ERAP1: variants seen among roughly 807,000 people sequenced by gnomAD.
ERAP1 encodes endoplasmic reticulum aminopeptidase 1, also known as adipocyte-derived leucine aminopeptidase.
A neutral mutation model predicts 103.7 loss-of-function variants in ERAP1; 86 were observed. That is an observed-to-expected ratio of 0.83 (90% confidence interval 0.70 to 0.99). ERAP1 has a LOEUF of 0.99. Ranked by LOEUF, ERAP1 falls within the 50% of genes least tolerant of loss-of-function variation. The pLI is 0.00. For missense variants in ERAP1, 1,009 were observed against 1,128.4 expected (o/e 0.89, Z 1.52); for synonymous variants, 398 against 402.4 (o/e 0.99, Z 0.13).
chr5:96,762,412 G>C (rs144506614), exon 20 of ERAP1: 34 of 1,430,394 alleles, frequency 2.4e-5, no homozygotes, highest in African/African-American at 2.9e-5. Context: ...ATGTTTTTGC[G>C]CAGCCACAAC....
the ERAP1 span, chr5:96,912,757 G>C: frequency 1.2e-6 from 2 of 1,600,906 alleles, no homozygotes; most frequent in Non-Finnish European, 1.7e-6. Flanking sequence ...ACAAAATTCT[G>C]TATGCTTTGT....
chr5:96,861,753 T>C, the ERAP1 span, among the ~76,000 whole-genome samples: 1 of 152,168 alleles, frequency 6.6e-6, no homozygotes, highest in Non-Finnish European at 1.5e-5. Flanking sequence ...AACATCTAAC[T>C]GAAGTACATG....
the ERAP1 span, among the ~76,000 whole-genome samples, chr5:96,888,049 C>T: frequency 9.9e-5 from 15 of 150,936 alleles, no homozygotes; most frequent in East Asian, 3.9e-4. Flanking sequence ...CGCTTGAACC[C>T]GGGAGGCGGA....
chr5:96,896,563 G>A, the ERAP1 span: 1 of 1,571,348 alleles, frequency 6.4e-7, no homozygotes, highest in East Asian at 2.3e-5. Context: ...AATGACTATA[G>A]AATCAGCAGT....
chr5:96,764,472 T>G (rs1769111857), intron 19 of ERAP1, among the ~76,000 whole-genome samples: 1 of 152,218 alleles, frequency 6.6e-6, no homozygotes, highest in Non-Finnish European at 1.5e-5. Context: ...GCAATTTCAC[T>G]TCCATGAGCT....
At chr5:96,818,538 G>A in the ERAP1 span, among the ~76,000 whole-genome samples, 1 of 140,390 alleles carries the variant, frequency 7.1e-6, no homozygotes, top group Non-Finnish European at 1.6e-5. Context: ...AAAGAAGAAA[G>A]AAAAGGAGGC....
the ERAP1 span, among the ~76,000 whole-genome samples, chr5:96,825,810 T>C: frequency 6.6e-6 from 1 of 152,146 alleles, no homozygotes; most frequent in South Asian, 2.1e-4. Context: ...TAAGAAAAAA[T>C]AAATGCTAAC....
chr5:96,762,139 T>C (rs1768183494), exon 20 of ERAP1: 1 of 462,078 alleles, frequency 2.2e-6, no homozygotes. Flanking sequence ...TTTAAAATTA[T>C]ATGTTATTAT....
chr5:96,931,753 C>G, the ERAP1 span, among the ~76,000 whole-genome samples: 1 of 152,128 alleles, frequency 6.6e-6, no homozygotes, highest in East Asian at 1.9e-4. Context: ...AGAGTAAGTT[C>G]CTTCTTCCTC....
At chr5:96,862,666 C>T in the ERAP1 span, among the ~76,000 whole-genome samples, 2 of 152,136 alleles carry the variant, frequency 1.3e-5, no homozygotes, top group Admixed American at 6.5e-5. Context: ...TTTTAAAGAC[C>T]TCTGTTGTTT....
At chr5:96,781,023 T>G (rs1395181661) in intron 17 of ERAP1, 35 bp downstream of exon 17, 1 of 1,613,438 alleles carries the variant, frequency 6.2e-7, no homozygotes, top group African/African-American at 1.3e-5. Flanking sequence ...GTTATGAACT[T>G]ATCCAGTCAC....
downstream of ERAP1, chr5:96,773,493 A>C (rs1014951574): frequency 5.3e-5 from 8 of 152,330 alleles, no homozygotes; most frequent in African/African-American, 1.9e-4. Context: ...CTGAGCAGCA[A>C]CTGTGTCTTT....
At chr5:96,889,560 A>G in the ERAP1 span, 2 of 682,104 alleles carry the variant, frequency 2.9e-6, no homozygotes, top group Non-Finnish European at 5.2e-6. Context: ...ACTCTTTCCC[A>G]GGCTGATCAG....
downstream of ERAP1, chr5:96,771,498 G>T (rs27689): frequency 0.9 from 511,216 of 565,546 alleles, 232,426 homozygotes; most frequent in Admixed American, 0.94. Flanking sequence ...TCACAATATT[G>T]TGGCCAGATG....
At chr5:96,774,423 G>T, downstream of ERAP1, 1 of 725,714 alleles carries the variant, frequency 1.4e-6, no homozygotes, top group Non-Finnish European at 1.7e-6. Context: ...TAAGCTACAG[G>T]ATCTAAAGCA....
the ERAP1 span, among the ~76,000 whole-genome samples, chr5:96,907,787 G>A: frequency 2.0e-5 from 3 of 152,024 alleles, no homozygotes; most frequent in Non-Finnish European, 4.4e-5. Context: ...GGAGGCTGAG[G>A]CAGGAGAATT....
At chr5:96,887,110 C>T in the ERAP1 span, among the ~76,000 whole-genome samples, 80,448 of 145,880 alleles carry the variant, frequency 0.55, 22,302 homozygotes, top group Admixed American at 0.6. Flanking sequence ...TACACACACA[C>T]ACACACACAC....
chr5:96,902,552 C>T, the ERAP1 span: 19 of 489,098 alleles, frequency 3.9e-5, no homozygotes, highest in Non-Finnish European at 5.8e-5. Flanking sequence ...AGTTCTCTTG[C>T]GCTTTTATCA....
intron 19 of ERAP1, chr5:96,769,429 C>T (rs1201261521): frequency 1.3e-5 from 2 of 150,004 alleles, no homozygotes; most frequent in African/African-American, 4.9e-5. Flanking sequence ...TACACAAAAG[C>T]CAGTCCTGAT....
Sources: gnomAD v4.1 joint callset for allele counts (sites outside exome capture counted in the v4.1 genomes callset) on GRCh38, gnomAD v4.1.1 for gene constraint, MANE v1.5 for transcripts, NCBI Gene and HGNC (gene_info 2026-07-23, HGNC 2026-07-21) for gene names.